The following ARNT2 variants were observed in gnomAD, a reference collection of about 807,000 sequenced individuals.
The protein encoded by ARNT2 is aryl hydrocarbon receptor nuclear translocator 2.
A neutral mutation model predicts 91.7 loss-of-function variants in ARNT2; 36 were observed. The observed-to-expected ratio is 0.39, with a 90% CI of 0.30 to 0.52. The LOEUF (loss-of-function observed/expected upper bound fraction) is 0.52, where lower values mean the gene tolerates loss of function less well. Among genes scored for constraint, ARNT2 ranks in the 20% least tolerant of loss-of-function variants. The probability of loss-of-function intolerance (pLI) is 0.72; values close to 1 mark genes in which losing one functional copy is unlikely to be tolerated. For synonymous variants in ARNT2, 365 were observed against 347.1 expected (o/e 1.05, Z -0.57); for missense variants, 775 against 939.3 (o/e 0.83, Z 2.29).
chr15:80,573,963 A>G, intron 12 of ARNT2, 185 bp from the exon 13 acceptor site: 1 of 577,020 alleles, frequency 1.7e-6, no homozygotes. Context: ...TAGCCTAAAC[A>G]TGAAATGCAA....
chr15:80,424,491 G>C (rs1895905965), intron 1 of ARNT2, among the ~76,000 whole-genome samples: 1 of 152,166 alleles, frequency 6.6e-6, no homozygotes, highest in Non-Finnish European at 1.5e-5. Context: ...GCAAAGTCAG[G>C]TCCCTCCTTC....
Position 80,576,968 on chromosome 15 carries a change from A to G in ARNT2, c.1613+3A>G. 6.2e-7 allele frequency: 1 copy of G among 1,613,752 alleles called. No individual in the cohort carries two copies. The highest frequency in any genetic ancestry group is 8.5e-7 in the Non-Finnish European group (1 of 1,179,832). ...GGACACTCCGGGAAGGCCTTCAGGT[A>G]TGTGCCAGCGAGGGGGACAATGGCG... On this transcript the variant is annotated splice_donor_region_variant and intron_variant, in intron 15 of 18. Transcript: ENST00000303329.
At chr15:80,521,792 T>C (rs1156440188) in intron 8 of ARNT2, among the ~76,000 whole-genome samples, 1 of 152,156 alleles carries the variant, frequency 6.6e-6, no homozygotes, top group Non-Finnish European at 1.5e-5. Context: ...TTAAACTTAA[T>C]ATATATCATT....
intron 8 of ARNT2, among the ~76,000 whole-genome samples, chr15:80,522,161 G>A (rs921752843): frequency 4.6e-5 from 7 of 152,140 alleles, no homozygotes; most frequent in African/African-American, 1.7e-4. Context: ...AATACTTACT[G>A]AAGGCTTACT....
intron 5 of ARNT2, among the ~76,000 whole-genome samples, chr15:80,496,621 C>T (rs1476257410): frequency 1.3e-5 from 2 of 152,098 alleles, no homozygotes; most frequent in Admixed American, 6.5e-5. Flanking sequence ...AAAGAGGAGA[C>T]GTATTAGTTG....
chr15:80,413,514 T>C (rs1895720935), intron 1 of ARNT2, among the ~76,000 whole-genome samples: 1 of 152,240 alleles, frequency 6.6e-6, no homozygotes, highest in Non-Finnish European at 1.5e-5. Context: ...CAAATGCACA[T>C]TCAGGAGTTG....
At chr15:80,406,081 A>G (rs1199992422) in intron 1 of ARNT2, among the ~76,000 whole-genome samples, 2 of 152,182 alleles carry the variant, frequency 1.3e-5, no homozygotes, top group Admixed American at 6.5e-5. Context: ...ATTGGTGGCC[A>G]TGGCTGGACC....
intron 8 of ARNT2, among the ~76,000 whole-genome samples, chr15:80,524,604 C>T (rs369808568): frequency 1.3e-5 from 2 of 152,132 alleles, no homozygotes; most frequent in Admixed American, 1.3e-4. Flanking sequence ...TGGCCGGGCG[C>T]AGTGGCTCAC....
intron 11 of ARNT2, among the ~76,000 whole-genome samples, chr15:80,558,650 C>T (rs1898249966): frequency 2.0e-5 from 3 of 152,086 alleles, no homozygotes; most frequent in Admixed American, 2.0e-4. Flanking sequence ...TTCATGTGTG[C>T]ATTTGATCCT....
intron 10 of ARNT2, among the ~76,000 whole-genome samples, 193 bp downstream of exon 10, chr15:80,552,967 A>G (rs1041511374): frequency 2.6e-5 from 4 of 152,248 alleles, no homozygotes; most frequent in African/African-American, 9.6e-5. Flanking sequence ...GTGCCACTTA[A>G]CATGGACTCT....
At chr15:80,491,796 CTT>C (rs58958624) in intron 5 of ARNT2, among the ~76,000 whole-genome samples, 2,598 of 67,464 alleles carry the variant, frequency 0.039, 35 homozygotes, top group East Asian at 0.11. Context: ...CAGGACAGGC[CTT>C]TTTTTTTTTT....
intron 11 of ARNT2, among the ~76,000 whole-genome samples, chr15:80,558,582 C>T (rs545112842): frequency 5.9e-5 from 9 of 152,116 alleles, no homozygotes; most frequent in East Asian, 3.9e-4. Context: ...TCAAGTGATC[C>T]GCCTGCCTCG....
chr15:80,415,356 G>A (rs117963321), intron 1 of ARNT2, among the ~76,000 whole-genome samples: 1,609 of 152,362 alleles, frequency 0.011, 14 homozygotes, highest in Non-Finnish European at 0.016. Flanking sequence ...GCTCACAGTA[G>A]TGTGCAAACC....
intron 10 of ARNT2, 111 bp downstream of exon 10, chr15:80,552,885 A>T (rs1023058172): frequency 1.4e-6 from 2 of 1,385,864 alleles, no homozygotes; most frequent in Middle Eastern, 1.9e-4. Flanking sequence ...AAACATCATA[A>T]AGACCCATAT....
intron 8 of ARNT2, among the ~76,000 whole-genome samples, chr15:80,529,057 A>G (rs935006558): frequency 9.2e-5 from 14 of 151,968 alleles, no homozygotes; most frequent in South Asian, 2.1e-4. Context: ...ATTCTATTTT[A>G]TTTGTGCCAG....
chr15:80,442,038 G>A (rs1720567926), intron 1 of ARNT2, among the ~76,000 whole-genome samples: 1 of 152,206 alleles, frequency 6.6e-6, no homozygotes, highest in African/African-American at 2.4e-5. Context: ...TTATGATCAG[G>A]GATCTGAGCA....
intron 8 of ARNT2, among the ~76,000 whole-genome samples, chr15:80,527,342 G>T (rs926437795): frequency 3.9e-5 from 6 of 152,320 alleles, no homozygotes; most frequent in Non-Finnish European, 7.4e-5. Context: ...AAACATGCAT[G>T]TAGGAGAGAA....
rs183745064 is a variant in ARNT2 at position 80,541,184 on chromosome 15, G to T, written c.878-10015G>T. ...TTGACTTTTTAATAATACCCATTCT[G>T]ACTGGTGTGAGATGGTATCTCTGCG... On this transcript the variant is annotated intron_variant, in intron 8 of 18. Transcript: ENST00000303329. Among the ~76,000 whole-genome samples, 145 of 152,220 alleles carry T rather than the reference G, an allele frequency of 9.5e-4. 1 individual carries two copies. The highest frequency in any genetic ancestry group is 6.8e-3 in the Middle Eastern group (2 of 294).
intron 1 of ARNT2, among the ~76,000 whole-genome samples, chr15:80,439,378 CTGTT>C (rs1896151404): frequency 6.6e-6 from 1 of 152,154 alleles, no homozygotes; most frequent in Non-Finnish European, 1.5e-5. Context: ...AGGTATTTGA[CTGTT>C]TGTCCTTTCA....
Sources: allele counts gnomAD v4.1 joint callset (sites outside exome capture counted in the v4.1 genomes callset), GRCh38; gene constraint gnomAD v4.1.1; transcripts MANE v1.5; gene names NCBI Gene and HGNC (gene_info 2026-07-23, HGNC 2026-07-21).